The following STK11IP variants were observed in gnomAD, a reference collection of about 807,000 sequenced individuals.
The protein encoded by STK11IP is serine/threonine kinase 11 interacting protein.
A neutral mutation model predicts 131.7 loss-of-function variants in STK11IP; 103 were observed. The ratio of observed to expected loss-of-function variants is 0.78; its 90% CI spans 0.67 to 0.92. The LOEUF (loss-of-function observed/expected upper bound fraction) is 0.92. Ranked by LOEUF, STK11IP falls within the 40% of genes least tolerant of loss-of-function variation. STK11IP has a pLI of 0.00. For missense variants in STK11IP, 1,315 were observed against 1,385.7 expected (o/e 0.95, Z 0.81); for synonymous variants, 557 against 575.6 (o/e 0.97, Z 0.46).
chr2:219,598,091 CA>C lies in STK11IP; in HGVS notation c.-26-2del. ...CTCTTCCGCTTCCTCTTTCCCCCCC[CA>C]GGCTCCGCCCCCCAGCGTCCCGTGG... On this transcript the variant is annotated splice_acceptor_variant, in intron 1 of 24. Coordinates refer to ENST00000456909, the MANE Select transcript of STK11IP (RefSeq NM_052902.4). LOFTEE classifies it low-confidence loss of function (5UTR_SPLICE). 6.3e-7 allele frequency: 1 copy of C among 1,584,552 alleles called. No individual in the cohort carries two copies. Among genetic ancestry groups the C allele is most frequent in the Non-Finnish European group, 8.6e-7 (1 of 1,166,250 alleles).
intron 13 of STK11IP, 136 bp from the exon 14 acceptor site, chr2:219,607,911 G>A (rs1203520397): frequency 1.8e-5 from 21 of 1,184,018 alleles, no homozygotes; most frequent in Admixed American, 1.7e-4. Flanking sequence ...GCCGCGGAGG[G>A]GACGCCTGTA....
chr2:219,615,438 GGGCATTGGT>G, intron 24 of STK11IP, 97 bp downstream of exon 24: 1 of 1,470,746 alleles, frequency 6.8e-7, no homozygotes, highest in Non-Finnish European at 9.1e-7. Context: ...TAGGAACCCT[GGGCATTGGT>G]GGCAGGATGG....
rs1220376712 is a variant in STK11IP at position 219,597,890 on chromosome 2, C to A, written c.-60C>A. 3.1e-6 allele frequency: 5 copies of A among 1,609,392 alleles called. No homozygotes were observed. The highest frequency in any genetic ancestry group is 4.2e-6 in the Non-Finnish European group (5 of 1,178,022). On this transcript the variant is annotated 5_prime_UTR_variant, in exon 1 of 25. It adds an upstream start codon to the 5' untranslated region. Coordinates refer to ENST00000456909, the MANE Select transcript of STK11IP (RefSeq NM_052902.4). ...TCCATCATTGATAGGCGCCGGGCAGCTGAGCTGGTAGGAGGACCAGACGGG... is the reference window on the plus strand; with the variant it reads ...TCCATCATTGATAGGCGCCGGGCAGATGAGCTGGTAGGAGGACCAGACGGG...
chr2:219,606,521 G>A lies in STK11IP; in HGVS notation c.987+4G>A, dbSNP rs200947303. The stretch of plus-strand genomic sequence containing the variant: ...CTTGTCACTGACAGATTTTCAGGTC[G>A]GTGTGGTTGGGGGGCGAGGACTGTT... On this transcript the variant is annotated splice_donor_region_variant and intron_variant, in intron 11 of 24. Coordinates refer to ENST00000456909, the MANE Select transcript of STK11IP (RefSeq NM_052902.4). The A allele has an allele frequency of 1.6e-5, 25 of 1,612,756 alleles. No homozygotes were observed. The highest frequency in any genetic ancestry group is 1.8e-5 in the Non-Finnish European group (21 of 1,179,366).
chr2:219,599,985 C>A (rs1340138426), intron 2 of STK11IP, among the ~76,000 whole-genome samples: 2 of 150,874 alleles, frequency 1.3e-5, no homozygotes, highest in African/African-American at 4.9e-5. Flanking sequence ...ATCCACCCGC[C>A]TTGGCCTCCC....
chr2:219,607,253 T>C (rs1033878356), intron 13 of STK11IP, 116 bp downstream of exon 13: 7 of 964,508 alleles, frequency 7.3e-6, no homozygotes, highest in African/African-American at 1.7e-5. Context: ...TAGAGTATTA[T>C]AGAGGGCTTC....
Position 219,602,541 on chromosome 2 carries a change from G to A in STK11IP, c.512G>A (p.Ser171Asn). The A allele has an allele frequency of 6.2e-7, 1 of 1,614,034 alleles. No homozygotes were observed. The highest frequency in any genetic ancestry group is 8.5e-7 in the Non-Finnish European group (1 of 1,179,896). Residue 171 changes from serine (S) to asparagine (N), a missense_variant, in exon 6 of 25, where the codon AGC (serine) becomes AAC (asparagine). Ser to Asn is a conservative substitution (Grantham distance 46, BLOSUM62 1). Coordinates refer to ENST00000456909, the MANE Select transcript of STK11IP (RefSeq NM_052902.4). ...PWLALLSANF[S>N]YNALTALDSS... ...CTGGCTCTGCTTTCTGCCAACTTCAGCTACAATGCACTGACCGCCTTAGAC... is the reference window on the plus strand; with the variant it reads ...CTGGCTCTGCTTTCTGCCAACTTCAACTACAATGCACTGACCGCCTTAGAC...
chr2:219,613,214 TGGG>T lies in STK11IP; in HGVS notation c.2528_2530del (p.Gly843del), dbSNP rs769189029. 5 of 1,565,928 alleles carry T rather than the reference TGGG, an allele frequency of 3.2e-6. No homozygotes were observed. The South Asian group carries it at 3.3e-5, about 10-fold the overall frequency. ...GCAGGCTGTACCTGTTGAAGGTGACTGGGGAGATGCGGTGAGTGAGAGGGGAGA... is the reference window on the plus strand; with the variant it reads ...GCAGGCTGTACCTGTTGAAGGTGACTGAGATGCGGTGAGTGAGAGGGGAGA... On this transcript the variant is annotated inframe_deletion, in exon 20 of 25. Transcript: ENST00000456909.
Position 219,616,269 on chromosome 2 carries a change from C to T in STK11IP, c.*76C>T. The T allele has an allele frequency of 6.6e-7, 1 of 1,509,984 alleles. No homozygotes were observed. Among genetic ancestry groups the T allele is most frequent in the Non-Finnish European group, 8.9e-7 (1 of 1,124,412 alleles). 93.5% of individuals were successfully genotyped at this position (1,509,984 alleles called of 1,614,324 possible). On this transcript the variant is annotated 3_prime_UTR_variant, in exon 25 of 25. Transcript: ENST00000456909. Reference sequence around the variant, plus strand: ...TCCCTCTCCTGGTCTCTGGGTCTGGCTTCCAGGCTCTGGCTGTGGATGTCT... The same window carrying T: ...TCCCTCTCCTGGTCTCTGGGTCTGGTTTCCAGGCTCTGGCTGTGGATGTCT...
intron 12 of STK11IP, 97 bp from the exon 13 acceptor site, chr2:219,606,956 C>T (rs759372556): frequency 1.7e-4 from 266 of 1,593,822 alleles, no homozygotes; most frequent in Non-Finnish European, 2.2e-4. Context: ...TGTGCTTGCA[C>T]GTGGTCAAGG....
intron 13 of STK11IP, 36 bp downstream of exon 13, chr2:219,607,173 C>T (rs778747906): frequency 7.5e-6 from 12 of 1,591,830 alleles, no homozygotes; most frequent in African/African-American, 1.3e-5. Context: ...TCTCTCGTCC[C>T]CAGCGAGCTC....
chr2:219,613,652 G>C, intron 20 of STK11IP, 100 bp from the exon 21 acceptor site: 1 of 1,384,430 alleles, frequency 7.2e-7, no homozygotes. Flanking sequence ...GCGCACGGGG[G>C]TGATGCAGTG....
intron 14 of STK11IP, 33 bp from the exon 15 acceptor site, chr2:219,608,550 C>A: frequency 6.4e-7 from 1 of 1,551,752 alleles, no homozygotes. Flanking sequence ...TACTTTCCCT[C>A]CCTGCAGGCC....
At chr2:219,612,212 T>C (rs1698422323) in intron 19 of STK11IP, among the ~76,000 whole-genome samples, 154 bp downstream of exon 19, 1 of 152,208 alleles carries the variant, frequency 6.6e-6, no homozygotes, top group Non-Finnish European at 1.5e-5. Context: ...CGTGGACACA[T>C]TCCCTGGTAT....
chr2:219,606,393 C>T (rs770256151), intron 10 of STK11IP, 83 bp from the exon 11 acceptor site: 171 of 1,552,222 alleles, frequency 1.1e-4, no homozygotes, highest in Non-Finnish European at 1.4e-4. Flanking sequence ...AGGACCTGGA[C>T]CCTGCTTACT....
In STK11IP at chr2:219,607,084, C is replaced by G. The variant is rs553152265; in HGVS notation, c.1166C>G (p.Ser389Cys). Reference sequence around the variant, plus strand: ...GTCCGTGTGAGGCGGGCAAGCATCTCTGAACCCAGTGATACGGACCCGGAG... The same window carrying G: ...GTCCGTGTGAGGCGGGCAAGCATCTGTGAACCCAGTGATACGGACCCGGAG... ...SRVRVRRASI[S>C]EPSDTDPEPR... Residue 389 changes from serine (S) to cysteine (C), a missense_variant, in exon 13 of 25, where the codon TCT becomes TGT. Ser to Cys is a moderately radical substitution (Grantham distance 112, BLOSUM62 -1). Transcript: ENST00000456909. The G allele has an allele frequency of 1.2e-6, 2 of 1,613,966 alleles. No individual in the cohort carries two copies. Among genetic ancestry groups the G allele is most frequent in the East Asian group, 2.2e-5 (1 of 44,872 alleles).
chr2:219,611,499 T>C (rs1415367183), intron 17 of STK11IP, 105 bp from the exon 18 acceptor site: 4 of 979,276 alleles, frequency 4.1e-6, no homozygotes, highest in Non-Finnish European at 6.4e-6. Flanking sequence ...GCTGGAGGCT[T>C]GGGCTCAGGG....
Position 219,605,590 on chromosome 2 carries a change from C to T in STK11IP, c.619-18C>T, listed in dbSNP as rs1302903315. The T allele has an allele frequency of 1.3e-6, 2 of 1,551,520 alleles. No homozygotes were observed. The highest frequency in any genetic ancestry group is 8.7e-7 in the Non-Finnish European group (1 of 1,146,928). ...TTGGTCAACGAGATAATCTTTTTCT[C>T]CCCTGTACCCCTGCCAGGATTTGTG... is the stretch of plus-strand genomic sequence containing the variant. On this transcript the variant is annotated intron_variant, in intron 7 of 24. Transcript: ENST00000456909.
intron 2 of STK11IP, 35 bp downstream of exon 2, chr2:219,598,215 C>G: frequency 1.3e-6 from 2 of 1,483,244 alleles, no homozygotes; most frequent in Non-Finnish European, 1.8e-6. Context: ...GGCCTCGGAC[C>G]TCGGACGAGG....
Sources: allele counts gnomAD v4.1 joint callset (sites outside exome capture counted in the v4.1 genomes callset), GRCh38; gene constraint gnomAD v4.1.1; transcripts MANE v1.5; gene names NCBI Gene and HGNC (gene_info 2026-07-23, HGNC 2026-07-21).